KRABD2: variants seen among roughly 807,000 people sequenced by gnomAD.
KRABD2 encodes the protein KRAB domain containing 2, also known as KRAB domain-containing protein 2.
the KRABD2 span, among the ~76,000 whole-genome samples, chr17:8,368,107 T>G: frequency 2.7e-5 from 4 of 149,180 alleles, no homozygotes; most frequent in Non-Finnish European, 6.0e-5. Context: ...AAAAAAAAAA[T>G]AAATAAATAA....
chr17:8,372,582 A>C, the KRABD2 span, among the ~76,000 whole-genome samples: 1 of 152,180 alleles, frequency 6.6e-6, no homozygotes, highest in African/African-American at 2.4e-5. This position sits in a 1 kb window ranked among gnomAD's most constrained non-coding sequence, Gnocchi z 4.1. Flanking sequence ...GTGAGCCAGC[A>C]CACCCAGCCG....
At chr17:8,369,559 A>C in the KRABD2 span, 1 of 1,614,184 alleles carries the variant, frequency 6.2e-7, no homozygotes, top group Non-Finnish European at 8.5e-7. Context: ...CCAGGGTGGT[A>C]CTTACCAGAT....
chr17:8,361,646 C>T, the KRABD2 span, among the ~76,000 whole-genome samples: 6 of 152,168 alleles, frequency 3.9e-5, no homozygotes, highest in African/African-American at 1.4e-4. Context: ...CAGCCTTGAC[C>T]TCCTGGGCTC....
At chr17:8,371,163 GT>G in the KRABD2 span, 5 of 668,850 alleles carry the variant, frequency 7.5e-6, no homozygotes, top group Non-Finnish European at 9.9e-6. Context: ...AAGCGAGACT[GT>G]TTCAAAAAAA....
At chr17:8,372,375 T>G in the KRABD2 span, among the ~76,000 whole-genome samples, 3 of 152,208 alleles carry the variant, frequency 2.0e-5, no homozygotes, top group Non-Finnish European at 2.9e-5. The surrounding 1 kb of genome is among the most constrained non-coding windows in gnomAD (Gnocchi z 4.1). Flanking sequence ...CTTTTTCTTT[T>G]TTTGTATTTT....
chr17:8,368,194 G>C, the KRABD2 span, among the ~76,000 whole-genome samples: 1 of 152,120 alleles, frequency 6.6e-6, no homozygotes, highest in Non-Finnish European at 1.5e-5. Flanking sequence ...TTAAGGTAAG[G>C]ATCTCGAGAT....
At chr17:8,365,014 A>C in the KRABD2 span, among the ~76,000 whole-genome samples, 1 of 150,558 alleles carries the variant, frequency 6.6e-6, no homozygotes, top group African/African-American at 2.5e-5. Context: ...AGCCTAGGCA[A>C]CAAGAACGAA....
chr17:8,376,289 T>C, the KRABD2 span: 49 of 1,228,010 alleles, frequency 4.0e-5, no homozygotes, highest in South Asian at 2.0e-3. Flanking sequence ...ATTTGCTGAC[T>C]CTTATCATTT....
At chr17:8,375,997 CA>C in the KRABD2 span, 1 of 1,231,418 alleles carries the variant, frequency 8.1e-7, no homozygotes, top group African/African-American at 1.6e-5. Context: ...CTGACGTATT[CA>C]GTAACTTTAG....
chr17:8,376,703 C>G, the KRABD2 span: 3 of 984,328 alleles, frequency 3.0e-6, no homozygotes, highest in Non-Finnish European at 3.6e-6. Context: ...AGCAGCAACT[C>G]CGCCCCACCT....
At chr17:8,367,677 AAAAC>A in the KRABD2 span, among the ~76,000 whole-genome samples, 2 of 151,706 alleles carry the variant, frequency 1.3e-5, no homozygotes, top group African/African-American at 2.4e-5. Context: ...AAAAAAAAAA[AAAAC>A]AAGTGAACAA....
At chr17:8,375,104 C>T in the KRABD2 span, among the ~76,000 whole-genome samples, 6 of 151,706 alleles carry the variant, frequency 4.0e-5, no homozygotes, top group Non-Finnish European at 8.8e-5. Context: ...CTCCGCCTCC[C>T]GGGTTCACGC....
the KRABD2 span, chr17:8,372,160 G>T: frequency 1.3e-6 from 1 of 764,138 alleles, no homozygotes; most frequent in Non-Finnish European, 1.6e-6. This position sits in a 1 kb window ranked among gnomAD's most constrained non-coding sequence, Gnocchi z 4.1. Context: ...TTCCAGGTCC[G>T]GAAGGTCCTT....
the KRABD2 span, chr17:8,376,098 A>G: frequency 3.2e-6 from 4 of 1,231,724 alleles, no homozygotes; most frequent in Non-Finnish European, 3.0e-6. Flanking sequence ...GTTCAGATAT[A>G]TACAACCTAT....
At chr17:8,358,882 A>C in the KRABD2 span, among the ~76,000 whole-genome samples, 2 of 152,152 alleles carry the variant, frequency 1.3e-5, no homozygotes, top group Non-Finnish European at 2.9e-5. Flanking sequence ...TTACATAACC[A>C]CAGTACAATC....
At chr17:8,376,144 C>A in the KRABD2 span, 3 of 1,231,676 alleles carry the variant, frequency 2.4e-6, no homozygotes, top group South Asian at 1.2e-4. Context: ...GCCTGTACCC[C>A]CTTTGGAGGG....
At chr17:8,372,190 T>G in the KRABD2 span, 2 of 330,636 alleles carry the variant, frequency 6.0e-6, no homozygotes, top group Non-Finnish European at 8.6e-6. The surrounding 1 kb of genome is among the most constrained non-coding windows in gnomAD (Gnocchi z 4.1). Context: ...GGCTTCAAAC[T>G]CCCTTCCTCA....
the KRABD2 span, among the ~76,000 whole-genome samples, chr17:8,375,537 T>G: frequency 1.9e-4 from 3 of 16,202 alleles, no homozygotes; most frequent in Non-Finnish European, 4.1e-4. Flanking sequence ...TTTTCTTTCA[T>G]TTTTTTTTTT....
chr17:8,367,129 C>T, the KRABD2 span: 1 of 152,232 alleles, frequency 6.6e-6, no homozygotes, highest in African/African-American at 2.4e-5. Flanking sequence ...GCTTTACATT[C>T]TTGAGACCTC....
Sources: gnomAD v4.1 joint callset for allele counts (sites outside exome capture counted in the v4.1 genomes callset) on GRCh38, gnomAD v4.1.1 for gene constraint, Gnocchi (gnomAD v3.1) non-coding constraint, MANE v1.5 for transcripts, NCBI Gene and HGNC (gene_info 2026-07-23, HGNC 2026-07-21) for gene names.